Variants in ERC2 observed in about 807,000 individuals in gnomAD.
ERC2 encodes the protein ERC protein 2.
Under a neutral mutation model 114.8 loss-of-function variants are expected in ERC2, and 42 were observed. The observed-to-expected ratio is 0.37, with a 90% CI of 0.29 to 0.47. The LOEUF is 0.47. Among genes scored for constraint, ERC2 ranks in the 20% least tolerant of loss-of-function variants. The pLI, the probability that ERC2 is intolerant of heterozygous loss-of-function variation, is 0.99. For missense variants in ERC2, 939 were observed against 1,150.7 expected (o/e 0.82, Z 2.66); for synonymous variants, 454 against 425.5 (o/e 1.07, Z -0.82).
chr3:55,757,917 C>A (rs2148986964), intron 14 of ERC2, among the ~76,000 whole-genome samples: 1 of 152,026 alleles, frequency 6.6e-6, no homozygotes, highest in African/African-American at 2.4e-5. Flanking sequence ...AAAATTCTAT[C>A]AAATCAAGAT....
At chr3:56,377,940 T>TA (rs1219958809) in intron 2 of ERC2, among the ~76,000 whole-genome samples, 5 of 151,876 alleles carry the variant, frequency 3.3e-5, no homozygotes, top group Non-Finnish European at 7.4e-5. Context: ...ATGCAATCAA[T>TA]TAAGTGGAAG....
intron 8 of ERC2, among the ~76,000 whole-genome samples, chr3:56,010,954 GAA>G (rs1215607318): frequency 6.6e-6 from 1 of 152,200 alleles, no homozygotes; most frequent in Non-Finnish European, 1.5e-5. Context: ...CAGGAAAGGG[GAA>G]GAAGTAGAAC....
chr3:55,574,789 G>A (rs2056891441), intron 17 of ERC2, among the ~76,000 whole-genome samples: 1 of 152,150 alleles, frequency 6.6e-6, no homozygotes, highest in Non-Finnish European at 1.5e-5. Flanking sequence ...AGTCCCATAA[G>A]TTCTCTTCAG....
At chr3:56,358,385 T>C (rs774942347) in intron 2 of ERC2, among the ~76,000 whole-genome samples, 1 of 152,216 alleles carries the variant, frequency 6.6e-6, no homozygotes, top group African/African-American at 2.4e-5. Flanking sequence ...TTCCAAATAG[T>C]TCCTAGCATG....
At chr3:55,587,649 C>G (rs1402918494) in intron 17 of ERC2, among the ~76,000 whole-genome samples, 1 of 152,216 alleles carries the variant, frequency 6.6e-6, no homozygotes, top group Non-Finnish European at 1.5e-5. Context: ...TGCAGAATTA[C>G]TCTCCAAAGT....
At chr3:56,256,710 A>C (rs2052539668) in intron 3 of ERC2, among the ~76,000 whole-genome samples, 2 of 152,168 alleles carry the variant, frequency 1.3e-5, no homozygotes, top group African/African-American at 4.8e-5. Flanking sequence ...GAAGTGATTG[A>C]ATCATGTGGG....
In ERC2 at chr3:55,553,589, G is replaced by A. The variant is rs528573959; in HGVS notation, c.*40-42313C>T. Among the ~76,000 whole-genome samples the A allele has an allele frequency of 4.6e-3, 705 of 152,066 alleles. 3 individuals carry two copies. Among genetic ancestry groups the A allele is most frequent in the Non-Finnish European group, 7.5e-3 (510 of 67,978 alleles). On this transcript the variant is annotated intron_variant, in intron 17 of 17. Coordinates refer to ENST00000288221, the MANE Select transcript of ERC2 (RefSeq NM_015576.3). ...AGGTCAGGAGATCGAGACCATCCTGGCTAACATGGTGAAACCCTGTCTCTA... is the reference window on the plus strand; with the variant it reads ...AGGTCAGGAGATCGAGACCATCCTGACTAACATGGTGAAACCCTGTCTCTA...
chr3:56,249,662 T>C (rs1041431129), intron 3 of ERC2, among the ~76,000 whole-genome samples: 3 of 151,918 alleles, frequency 2.0e-5, no homozygotes, highest in African/African-American at 7.3e-5. Context: ...CCTCAGTTTC[T>C]TCATCTGAAA....
intron 14 of ERC2, among the ~76,000 whole-genome samples, chr3:55,849,608 T>A (rs1332475450): frequency 6.6e-6 from 1 of 152,234 alleles, no homozygotes; most frequent in East Asian, 1.9e-4. Flanking sequence ...CTGTCAGCCA[T>A]TCTATTTCCA....
At chr3:55,564,398 C>CT (rs1001715961) in intron 17 of ERC2, among the ~76,000 whole-genome samples, 3 of 152,158 alleles carry the variant, frequency 2.0e-5, no homozygotes, top group Non-Finnish European at 2.9e-5. Context: ...TTCTAAATGG[C>CT]TTTTTTCCAC....
At chr3:55,617,847 C>T (rs2059183300) in intron 17 of ERC2, among the ~76,000 whole-genome samples, 2 of 152,278 alleles carry the variant, frequency 1.3e-5, no homozygotes, top group South Asian at 4.1e-4. Flanking sequence ...AGATCTGGAG[C>T]AAGGGAAGTG....
chr3:55,858,774 G>C (rs566274177), intron 14 of ERC2, among the ~76,000 whole-genome samples: 1 of 152,312 alleles, frequency 6.6e-6, no homozygotes, highest in South Asian at 2.1e-4. Flanking sequence ...AGAGTAGGCA[G>C]GGTCCGGGCC....
At chr3:56,366,752 A>C (rs1339717852) in intron 2 of ERC2, among the ~76,000 whole-genome samples, 1 of 152,196 alleles carries the variant, frequency 6.6e-6, no homozygotes. Flanking sequence ...CACAGGCCCT[A>C]TAAGCCTGTT....
At chr3:55,822,053 A>C (rs1035758315) in intron 14 of ERC2, among the ~76,000 whole-genome samples, 24 of 152,112 alleles carry the variant, frequency 1.6e-4, no homozygotes, top group African/African-American at 5.8e-4. Context: ...TTTTTCTGAG[A>C]GGGTGTAAAG....
chr3:56,341,501 T>C (rs757677207), intron 2 of ERC2, among the ~76,000 whole-genome samples: 48 of 152,126 alleles, frequency 3.2e-4, no homozygotes, highest in Admixed American at 5.2e-4. Context: ...ATGAAAGGTT[T>C]ATTTGTCCCC....
At chr3:56,265,630 C>T (rs1337606267) in intron 3 of ERC2, among the ~76,000 whole-genome samples, 1 of 152,098 alleles carries the variant, frequency 6.6e-6, no homozygotes, top group East Asian at 1.9e-4. Context: ...AAAGCTTCTG[C>T]ATAGCAAAGG....
At chr3:55,670,511 A>G (rs1364879636) in intron 17 of ERC2, among the ~76,000 whole-genome samples, 2 of 152,204 alleles carry the variant, frequency 1.3e-5, no homozygotes, top group Admixed American at 6.5e-5. Flanking sequence ...TGGGGAATGC[A>G]ATGTGAGTCA....
intron 2 of ERC2, among the ~76,000 whole-genome samples, chr3:56,315,256 A>AT (rs376470802): frequency 6.6e-6 from 1 of 152,016 alleles, no homozygotes; most frequent in Non-Finnish European, 1.5e-5. Context: ...GTTTAGAGAA[A>AT]TTTTTTTTCC....
chr3:55,754,803 A>G (rs979064086), intron 14 of ERC2, among the ~76,000 whole-genome samples: 1 of 152,094 alleles, frequency 6.6e-6, no homozygotes. Flanking sequence ...AACATGAGCC[A>G]TGACAATTCT....
Sources: gnomAD v4.1 joint callset for allele counts (sites outside exome capture counted in the v4.1 genomes callset) on GRCh38, gnomAD v4.1.1 for gene constraint, MANE v1.5 for transcripts, NCBI Gene and HGNC (gene_info 2026-07-23, HGNC 2026-07-21) for gene names.